The following PSD3 variants were observed in gnomAD, a reference collection of about 807,000 sequenced individuals.
The protein encoded by PSD3 is PH and SEC7 domain-containing protein 3.
In PSD3, 49 loss-of-function variants were observed where a neutral mutation model predicts 105.5. The ratio of observed to expected loss-of-function variants is 0.46; its 90% confidence interval spans 0.37 to 0.59. The LOEUF (loss-of-function observed/expected upper bound fraction) is 0.59. Among genes scored for constraint, PSD3 ranks in the 20% least tolerant of loss-of-function variants. PSD3 has a pLI of 0.00. For synonymous variants in PSD3, 557 were observed against 457.8 expected (o/e 1.22, Z -2.77); for missense variants, 1,561 against 1,263.8 (o/e 1.24, Z -3.57).
chr8:18,946,270 T>C (rs1822849612), intron 1 of PSD3, among the ~76,000 whole-genome samples: 2 of 152,158 alleles, frequency 1.3e-5, no homozygotes, highest in South Asian at 4.1e-4. Context: ...TGTGTAGCAT[T>C]TTTTTCCTTT....
intron 8 of PSD3, chr8:18,774,507 CTT>C: frequency 8.2e-6 from 2 of 245,234 alleles, no homozygotes; most frequent in Non-Finnish European, 8.0e-6. Flanking sequence ...AACCTAACAC[CTT>C]TTTTTTTCCT....
chr8:19,084,269 C>G (rs962657476), exon 1 of PSD3: 3 of 456,086 alleles, frequency 6.6e-6, no homozygotes, highest in East Asian at 6.9e-5. Context: ...CTGGACAGTA[C>G]CTGTAGAGCC....
chr8:18,590,756 C>T (rs1359299202), intron 12 of PSD3, among the ~76,000 whole-genome samples: 1 of 152,004 alleles, frequency 6.6e-6, no homozygotes, highest in Non-Finnish European at 1.5e-5. Context: ...ACAAAAAATA[C>T]TACATGCATT....
intron 1 of PSD3, among the ~76,000 whole-genome samples, chr8:18,967,071 A>C (rs79037508): frequency 0.015 from 2,291 of 152,282 alleles, 50 homozygotes; most frequent in African/African-American, 0.053. Context: ...ATTTCCTGCC[A>C]TAAAAGCTTT....
intron 9 of PSD3, among the ~76,000 whole-genome samples, chr8:18,763,429 C>CTATG (rs1382616078): frequency 3.9e-5 from 6 of 152,028 alleles, no homozygotes; most frequent in African/African-American, 1.2e-4. Context: ...TGAAAAGTTT[C>CTATG]TATGTATGTA....
intron 4 of PSD3, among the ~76,000 whole-genome samples, chr8:18,864,401 A>G (rs1357375574): frequency 6.6e-6 from 1 of 152,246 alleles, no homozygotes; most frequent in Non-Finnish European, 1.5e-5. Flanking sequence ...TGTGTTTACT[A>G]AATAAATCAA....
At chr8:18,617,865 C>G (rs1805810969) in intron 11 of PSD3, among the ~76,000 whole-genome samples, 1 of 152,130 alleles carries the variant, frequency 6.6e-6, no homozygotes, top group African/African-American at 2.4e-5. Flanking sequence ...TAAGGGAAAT[C>G]AAAGTATTGT....
rs1310618092 is a variant in PSD3, at chr8:18,868,040, C to A, written c.1268G>T (p.Gly423Val). 18 of 1,610,792 alleles carry A rather than the reference C, an allele frequency of 1.1e-5. No individual in the cohort carries two copies. The highest frequency in any genetic ancestry group is 1.5e-5 in the Non-Finnish European group (18 of 1,178,638). The stretch of plus-strand genomic sequence containing the variant: ...AGGCCCAAGGATGTCTTCATCTTCC[C>A]CCTTAACGTGCTCCTCTTGTTCGCT... ...RISEQEEHVK[G>V]EDEDILGPGY... is the part of the protein sequence containing the mutation. Residue 423 changes from glycine (G) to valine (V), a missense_variant, in exon 4 of 16, where the codon GGG becomes GTG. By Grantham distance (109) the Gly-to-Val change is moderately radical. Transcript: ENST00000327040.
At chr8:18,818,110 C>A (rs558190858) in intron 4 of PSD3, among the ~76,000 whole-genome samples, 4 of 152,092 alleles carry the variant, frequency 2.6e-5, no homozygotes, top group African/African-American at 9.7e-5. Flanking sequence ...CCTGCCACTA[C>A]GCTTGGCTAA....
chr8:18,933,384 G>A (rs561340132), intron 2 of PSD3, among the ~76,000 whole-genome samples: 11 of 140,620 alleles, frequency 7.8e-5, no homozygotes, highest in African/African-American at 2.4e-4. Context: ...TTTTATTATA[G>A]CCAAAAAAAA....
intron 4 of PSD3, among the ~76,000 whole-genome samples, chr8:18,808,071 T>C (rs1230662844): frequency 1.3e-5 from 2 of 152,250 alleles, no homozygotes; most frequent in East Asian, 1.9e-4. Context: ...TAGAAATTTC[T>C]TTTAGGCAAT....
At chr8:18,821,265 A>T (rs1812676430) in intron 4 of PSD3, among the ~76,000 whole-genome samples, 1 of 152,084 alleles carries the variant, frequency 6.6e-6, no homozygotes, top group South Asian at 2.1e-4. Flanking sequence ...CTCTCTATTC[A>T]ACGCCTTTTA....
At chr8:18,941,765 C>T (rs536389793) in intron 1 of PSD3, among the ~76,000 whole-genome samples, 3 of 150,956 alleles carry the variant, frequency 2.0e-5, no homozygotes, top group Non-Finnish European at 4.4e-5. Context: ...CTCCGCCTCC[C>T]GGGTTCAAGT....
chr8:18,822,402 C>G (rs1232161421), intron 4 of PSD3, among the ~76,000 whole-genome samples: 2 of 152,258 alleles, frequency 1.3e-5, no homozygotes, highest in South Asian at 4.1e-4. Context: ...TACAGTCCAT[C>G]CCCGGGAGTG....
At chr8:18,770,210 C>G (rs1391423116) in intron 8 of PSD3, among the ~76,000 whole-genome samples, 1 of 152,124 alleles carries the variant, frequency 6.6e-6, no homozygotes, top group East Asian at 1.9e-4. Flanking sequence ...ATTTGCATTT[C>G]CCTAATGACT....
At chr8:18,566,372 A>T (rs1382259332) in intron 14 of PSD3, among the ~76,000 whole-genome samples, 3 of 151,824 alleles carry the variant, frequency 2.0e-5, no homozygotes, top group Middle Eastern at 3.2e-3. Flanking sequence ...TAAAAATACG[A>T]AAAATTAGCT....
intron 14 of PSD3, among the ~76,000 whole-genome samples, chr8:18,565,362 T>G (rs970456521): frequency 3.9e-5 from 6 of 152,106 alleles, no homozygotes; most frequent in South Asian, 2.1e-4. Flanking sequence ...CCACCCCCAA[T>G]AGAAGAAAAA....
intron 1 of PSD3, among the ~76,000 whole-genome samples, chr8:18,968,814 T>A (rs1033735073): frequency 2.1e-5 from 3 of 142,472 alleles, no homozygotes. Flanking sequence ...AGGTGGAGGT[T>A]GCAGTGAGCC....
At chr8:18,922,412 C>A (rs762485016) in intron 2 of PSD3, among the ~76,000 whole-genome samples, 24 of 152,160 alleles carry the variant, frequency 1.6e-4, no homozygotes, top group Non-Finnish European at 3.1e-4. Flanking sequence ...GATTAAAGTT[C>A]TCAGTTCTAA....
Sources: gnomAD v4.1 joint callset for allele counts (sites outside exome capture counted in the v4.1 genomes callset) on GRCh38, gnomAD v4.1.1 for gene constraint, MANE v1.5 for transcripts, NCBI Gene and HGNC (gene_info 2026-07-23, HGNC 2026-07-21) for gene names.